Variants in DOCK5 observed in about 807,000 individuals in gnomAD.
The protein encoded by DOCK5 is dedicator of cytokinesis 5, also known as dedicator of cytokinesis protein 5.
A neutral mutation model predicts 251.8 loss-of-function variants in DOCK5; 142 were observed. The ratio of observed to expected loss-of-function variants is 0.56; its 90% CI spans 0.49 to 0.65. DOCK5 has a LOEUF of 0.65. Ranked by LOEUF, DOCK5 falls within the 30% of genes least tolerant of loss-of-function variation. The pLI, the probability that DOCK5 is intolerant of heterozygous loss-of-function variation, is 0.00. For synonymous variants in DOCK5, 842 were observed against 835.5 expected (o/e 1.01, Z -0.13); for missense variants, 2,111 against 2,312.3 (o/e 0.91, Z 1.79).
Position 25,323,665 on chromosome 8 carries a change from C to A in DOCK5, c.1616-183C>A, listed in dbSNP as rs558233682. 1.8e-3 allele frequency among the ~76,000 whole-genome samples: 279 copies of A among 152,156 alleles called. 3 individuals are homozygous for A. Among genetic ancestry groups the A allele is most frequent in the African/African-American group, 6.5e-3 (268 of 41,534 alleles). ...ATTAGGGGATGTAGGAAGAGGAGAGCATACTTGGGGGTGCCAGGCAGTTTC... is the reference window on the plus strand; with the variant it reads ...ATTAGGGGATGTAGGAAGAGGAGAGAATACTTGGGGGTGCCAGGCAGTTTC... On this transcript the variant is annotated intron_variant, in intron 16 of 51. Coordinates refer to ENST00000276440, the MANE Select transcript of DOCK5 (RefSeq NM_024940.8).
At chr8:25,409,950 C>T (rs779599821) in intron 50 of DOCK5, 149 bp from the exon 51 acceptor site, 28 of 640,772 alleles carry the variant, frequency 4.4e-5, no homozygotes, top group Non-Finnish European at 7.3e-5. Context: ...GGTAAGAAGT[C>T]TTCTTCGTTC....
At chr8:25,408,761 C>CCT in intron 49 of DOCK5, 41 bp from the exon 50 acceptor site, 1 of 1,609,580 alleles carries the variant, frequency 6.2e-7, no homozygotes, top group Non-Finnish European at 8.5e-7. Context: ...GCTCAGCCTT[C>CCT]CTCACCGTGA....
At chr8:25,263,963 C>T (rs538234584) in intron 2 of DOCK5, among the ~76,000 whole-genome samples, 1 of 151,916 alleles carries the variant, frequency 6.6e-6, no homozygotes, top group South Asian at 2.1e-4. Context: ...AGACTACTGT[C>T]CTCCTATTTG....
chr8:25,328,585 T>A (rs1252436006), intron 18 of DOCK5, among the ~76,000 whole-genome samples: 1 of 152,184 alleles, frequency 6.6e-6, no homozygotes, highest in Non-Finnish European at 1.5e-5. Flanking sequence ...GTGTTCTCAC[T>A]GAGAGGGTGA....
intron 2 of DOCK5, among the ~76,000 whole-genome samples, chr8:25,248,797 A>G (rs962592382): frequency 2.6e-5 from 4 of 152,040 alleles, no homozygotes; most frequent in African/African-American, 9.7e-5. Context: ...GCAACAATCT[A>G]TTGAATGATG....
chr8:25,220,552 A>ACC (rs11385237), intron 1 of DOCK5, among the ~76,000 whole-genome samples: 1 of 151,814 alleles, frequency 6.6e-6, no homozygotes, highest in African/African-American at 2.4e-5. Flanking sequence ...GTGTTCTGTT[A>ACC]CCCCCAGCTC....
At position 25,219,563 on chromosome 8, in the gene DOCK5, C is replaced by T. The variant is rs79839684; in HGVS notation, c.44-24111C>T. On this transcript the variant is annotated intron_variant, in intron 1 of 51. Transcript: ENST00000276440. ...GTAGTAACTCTTTGAGGAAAGGTTC[C>T]GTGGTAACTTTTGAGAGCCTAAATG... is the stretch of plus-strand genomic sequence containing the variant. Among the ~76,000 whole-genome samples the T allele has an allele frequency of 6.4e-3, 978 of 152,224 alleles. 14 individuals are homozygous for T. The highest frequency in any genetic ancestry group is 0.022 in the African/African-American group (927 of 41,540).
At chr8:25,373,355 C>T (rs1800908827) in intron 35 of DOCK5, among the ~76,000 whole-genome samples, 1 of 152,266 alleles carries the variant, frequency 6.6e-6, no homozygotes, top group South Asian at 2.1e-4. Flanking sequence ...GTCACCCGAG[C>T]ACTGTACCCA....
Position 25,373,628 on chromosome 8 carries a change from A to C in DOCK5, c.3695A>C (p.Lys1232Thr). 1 of 1,596,326 alleles carries C rather than the reference A, an allele frequency of 6.3e-7. No homozygotes were observed. The highest frequency in any genetic ancestry group is 8.5e-7 in the Non-Finnish European group (1 of 1,170,856). Residue 1232 changes from lysine to threonine, a missense_variant, in exon 36 of 52, where the codon AAA becomes ACA. Lys to Thr is a moderately conservative substitution (Grantham distance 78, BLOSUM62 -1). Coordinates refer to ENST00000276440, the MANE Select transcript of DOCK5 (RefSeq NM_024940.8). ...SCTVNVLNFY[K>T]EKKREDIYIR... ...TTTTTTTCCTGGCAGAACTTTTATA[A>C]AGAAAAGAAGAGAGAGGACATATAC...
At chr8:25,361,805 T>G (rs1360448314) in intron 28 of DOCK5, among the ~76,000 whole-genome samples, 1 of 151,972 alleles carries the variant, frequency 6.6e-6, no homozygotes, top group Non-Finnish European at 1.5e-5. Context: ...ATCCAAAGTA[T>G]AGGAAGTTAC....
chr8:25,234,253 C>T lies in DOCK5; in HGVS notation c.44-9421C>T, dbSNP rs1288760832. Among the ~76,000 whole-genome samples the T allele has an allele frequency of 2.6e-5, 4 of 152,174 alleles. No homozygotes were observed. The South Asian group carries it at 6.2e-4, about 24-fold the overall frequency. On this transcript the variant is annotated intron_variant, in intron 1 of 51. Coordinates refer to ENST00000276440, the MANE Select transcript of DOCK5 (RefSeq NM_024940.8). ...TGCTTTTTCTAGATTCCACAGTAAC[C>T]TCTGGCATTTATCTTCAGATTCTCT...
intron 22 of DOCK5, among the ~76,000 whole-genome samples, chr8:25,339,727 G>T (rs1805903499): frequency 6.6e-6 from 1 of 152,230 alleles, no homozygotes; most frequent in Admixed American, 6.5e-5. Flanking sequence ...GGAGTGGCCA[G>T]CAAATAGTAA....
chr8:25,364,581 A>G (rs1338358312), intron 29 of DOCK5, 45 bp from the exon 30 acceptor site: 1 of 1,427,882 alleles, frequency 7.0e-7, no homozygotes, highest in Non-Finnish European at 9.7e-7. Flanking sequence ...AAAGGTTTCA[A>G]AGGACATACA....
At chr8:25,300,543 C>A (rs1804734846) in intron 8 of DOCK5, 33 bp from the exon 9 acceptor site, 2 of 1,529,640 alleles carry the variant, frequency 1.3e-6, no homozygotes, top group Non-Finnish European at 1.7e-6. Context: ...CAGTTAGCCT[C>A]TCATTAAGAG....
chr8:25,304,279 A>G lies in DOCK5; in HGVS notation c.1001A>G (p.His334Arg). 1 of 1,610,638 alleles carries G rather than the reference A, an allele frequency of 6.2e-7. No individual in the cohort carries two copies. The highest frequency in any genetic ancestry group is 1.1e-5 in the South Asian group (1 of 90,208). Residue 334 changes from histidine (H) to arginine (R), a missense_variant, in exon 11 of 52, where the codon CAT (histidine) becomes CGT (arginine). Physicochemically the swap from His to Arg is conservative, Grantham distance 29. Around this residue, in one of 3 missense-constraint regions of DOCK5, gnomAD observed 1,717 missense variants for 1,892.4 expected, o/e 0.91. Coordinates refer to ENST00000276440, the MANE Select transcript of DOCK5 (RefSeq NM_024940.8). ...GTGATGGATATTACTGATATCATAC[A>G]TGGGAAGGTGGATGATGAAGAAAAG... Reference protein sequence around the residue: ...VAVMDITDIIHGKVDDEEKQH... With the variant: ...VAVMDITDIIRGKVDDEEKQH...
chr8:25,298,967 G>C lies in DOCK5; in HGVS notation c.630G>C (p.Leu210Phe). 6.2e-7 allele frequency: 1 copy of C among 1,612,368 alleles called. No individual in the cohort carries two copies. Reference sequence around the variant, plus strand: ...AGTCAATCCTGCAGAACCTCGATTTGCGGGGCCAGTCCATCTTCAGTACCA... The same window carrying C: ...AGTCAATCCTGCAGAACCTCGATTTCCGGGGCCAGTCCATCTTCAGTACCA... Reference protein sequence around the residue: ...EEKSILQNLDLRGQSIFSTIH... With the variant: ...EEKSILQNLDFRGQSIFSTIH... The change falls in exon 8 of 52, where the codon TTG becomes TTC. Residue 210 changes from leucine to phenylalanine, a missense_variant. Physicochemically the swap from Leu to Phe is conservative, Grantham distance 22. This residue lies in a region of DOCK5 where 335 missense variants were observed against 324.9 expected (regional missense o/e 1.03). Coordinates refer to ENST00000276440, the MANE Select transcript of DOCK5 (RefSeq NM_024940.8).
intron 19 of DOCK5, 110 bp from the exon 20 acceptor site, chr8:25,332,493 A>T (rs575423298): frequency 9.1e-6 from 11 of 1,214,836 alleles, no homozygotes; most frequent in Non-Finnish European, 1.1e-5. Flanking sequence ...CTAGTTTTTT[A>T]AAAAATGCTA....
chr8:25,316,296 G>A (rs1258658408), intron 13 of DOCK5, among the ~76,000 whole-genome samples: 2 of 152,122 alleles, frequency 1.3e-5, no homozygotes, highest in East Asian at 3.9e-4. Flanking sequence ...TCTGGGCAAT[G>A]TAGTGAGACC....
Position 25,261,428 on chromosome 8 carries a change from C to T in DOCK5, c.128-7417C>T, listed in dbSNP as rs73558483. 4.8e-3 allele frequency among the ~76,000 whole-genome samples: 727 copies of T among 152,204 alleles called. 6 individuals are homozygous for T. Among genetic ancestry groups the T allele is most frequent in the African/African-American group, 0.017 (687 of 41,526 alleles). On this transcript the variant is annotated intron_variant, in intron 2 of 51. Coordinates refer to ENST00000276440, the MANE Select transcript of DOCK5 (RefSeq NM_024940.8). ...TAATGTCTTTGGGAAGACAAAATAC[C>T]ACGTAAAGTAATGGAGAAATAGTTC...
Sources: gnomAD v4.1 joint callset for allele counts (sites outside exome capture counted in the v4.1 genomes callset) on GRCh38, gnomAD v4.1.1 for gene constraint, gnomAD v4.1.1 regional missense constraint, MANE v1.5 for transcripts, NCBI Gene and HGNC (gene_info 2026-07-23, HGNC 2026-07-21) for gene names.